Variants in ZEB1 observed in about 807,000 individuals in gnomAD.
The protein encoded by ZEB1 is zinc finger E-box-binding homeobox 1.
Under a neutral mutation model 84.9 loss-of-function variants are expected in ZEB1, and 21 were observed. That is an observed-to-expected ratio of 0.25 (90% confidence interval 0.18 to 0.36). The LOEUF (loss-of-function observed/expected upper bound fraction) is 0.36. Ranked by LOEUF, ZEB1 falls within the 10% of genes least tolerant of loss-of-function variation. The pLI is 1.00. For missense variants in ZEB1, 1,104 were observed against 1,330.2 expected (o/e 0.83, Z 2.65); for synonymous variants, 420 against 471.1 (o/e 0.89, Z 1.41).
chr10:31,363,772 C>T lies in ZEB1; in HGVS notation c.58+44480C>T, dbSNP rs2370498. The T allele has an allele frequency of 4.3e-4, 555 of 1,286,258 alleles. 2 individuals are homozygous for T. Among genetic ancestry groups the T allele is most frequent in the South Asian group, 7.5e-4 (59 of 79,114 alleles). The allele number at this position is 1,286,258 out of a possible 1,614,324, so 79.7% of individuals were successfully genotyped here. ...TGAGGGGGGGCTCCAGACCACAGGA[C>T]GCAGGACCCTCTGTGGGGTGCCCGT... On this transcript the variant is annotated intron_variant, in intron 1 of 8. Coordinates refer to ENST00000424869, the MANE Select transcript of ZEB1 (RefSeq NM_001174096.2).
In ZEB1 at chr10:31,494,804, A is replaced by G. The variant is rs369940795; in HGVS notation, c.260-972A>G. Among the ~76,000 whole-genome samples the G allele has an allele frequency of 6.6e-5, 10 of 152,054 alleles. No homozygotes were observed. The South Asian group carries it at 8.3e-4, about 13-fold the overall frequency. ...ATAAAACATACTTTTTGCTTGTCCAAAAAGTATGCATTTATTTATAATACA... is the reference window on the plus strand; with the variant it reads ...ATAAAACATACTTTTTGCTTGTCCAGAAAGTATGCATTTATTTATAATACA... On this transcript the variant is annotated intron_variant, in intron 2 of 8. Coordinates refer to ENST00000424869, the MANE Select transcript of ZEB1 (RefSeq NM_001174096.2).
At position 31,396,704 on chromosome 10, in the gene ZEB1, T is replaced by A. The variant is rs2050791210; in HGVS notation, c.59-64333T>A. Among the ~76,000 whole-genome samples the A allele has an allele frequency of 2.6e-5, 4 of 152,310 alleles. No individual in the cohort carries two copies. In the South Asian group the frequency reaches 8.3e-4, roughly 32 times the overall value. ...TGGATTATTGTCTTGCTGTTTAGAT[T>A]ACCTATAAATGTAATTTTACTTTAC... On this transcript the variant is annotated intron_variant, in intron 1 of 8. Coordinates refer to ENST00000424869, the MANE Select transcript of ZEB1 (RefSeq NM_001174096.2).
intron 1 of ZEB1, among the ~76,000 whole-genome samples, chr10:31,323,936 TTTC>T (rs1458888327): frequency 2.6e-5 from 4 of 151,408 alleles, no homozygotes; most frequent in Non-Finnish European, 5.9e-5. Flanking sequence ...CCTGTGTTAA[TTTC>T]TTATTTTAGG....
chr10:31,337,683 GTT>G (rs756379165), intron 1 of ZEB1, among the ~76,000 whole-genome samples: 1,917 of 98,692 alleles, frequency 0.019, 20 homozygotes, highest in African/African-American at 0.078. Context: ...ATTTCTTTCT[GTT>G]TTTTTTTTTT....
intron 4 of ZEB1, among the ~76,000 whole-genome samples, chr10:31,508,268 T>A (rs2069329025): frequency 6.6e-6 from 1 of 152,144 alleles, no homozygotes; most frequent in Admixed American, 6.5e-5. Flanking sequence ...TCCTTGGAAC[T>A]CCAGGTGGCT....
At chr10:31,386,719 G>T (rs578110903) in intron 1 of ZEB1, among the ~76,000 whole-genome samples, 1 of 152,214 alleles carries the variant, frequency 6.6e-6, no homozygotes, top group Non-Finnish European at 1.5e-5. Context: ...TTAGGAAATA[G>T]CATATGCCAT....
intron 2 of ZEB1, among the ~76,000 whole-genome samples, chr10:31,489,500 T>TA (rs1349232799): frequency 6.6e-6 from 1 of 151,400 alleles, no homozygotes; most frequent in Non-Finnish European, 1.5e-5. Context: ...GATTTGGGTT[T>TA]ATCATTTTAT....
chr10:31,464,927 A>G lies in ZEB1; in HGVS notation c.259+3690A>G, dbSNP rs560049353. ...CACTAATTAGCAACATGAAAACATG[A>G]AAGAATAAAACTCACTAGTAAAGAA... On this transcript the variant is annotated intron_variant, in intron 2 of 8. Transcript: ENST00000424869. Among the ~76,000 whole-genome samples the G allele has an allele frequency of 2.6e-5, 4 of 152,346 alleles. No homozygotes were observed. In the East Asian group the frequency reaches 5.8e-4, roughly 22 times the overall value.
At chr10:31,481,730 C>T (rs1007059110) in intron 2 of ZEB1, among the ~76,000 whole-genome samples, 4 of 151,828 alleles carry the variant, frequency 2.6e-5, no homozygotes, top group African/African-American at 9.7e-5. Flanking sequence ...TGAAGGAGTT[C>T]CCAATAGCCA....
At chr10:31,393,114 C>G (rs544031437) in intron 1 of ZEB1, among the ~76,000 whole-genome samples, 3 of 152,296 alleles carry the variant, frequency 2.0e-5, no homozygotes, top group African/African-American at 7.2e-5. Context: ...CTGGGACTAT[C>G]AGGCATGAGC....
At chr10:31,492,094 C>T (rs2138884891) in intron 2 of ZEB1, among the ~76,000 whole-genome samples, 1 of 151,954 alleles carries the variant, frequency 6.6e-6, no homozygotes, top group Admixed American at 6.6e-5. Flanking sequence ...GTGAATTGGC[C>T]TTTTAAAAAT....
At chr10:31,396,134 T>G (rs2050676514) in intron 1 of ZEB1, among the ~76,000 whole-genome samples, 3 of 152,218 alleles carry the variant, frequency 2.0e-5, no homozygotes, top group Non-Finnish European at 4.4e-5. Flanking sequence ...CTTTTAAATT[T>G]TTGCCTCTAA....
chr10:31,496,186 G>A (rs761962562), intron 3 of ZEB1, among the ~76,000 whole-genome samples: 14 of 151,914 alleles, frequency 9.2e-5, no homozygotes, highest in African/African-American at 9.7e-5. Flanking sequence ...TTTGAGTTTC[G>A]TTATTAGTTA....
chr10:31,331,124 G>GT (rs1326503395), intron 1 of ZEB1, among the ~76,000 whole-genome samples: 1 of 104,888 alleles, frequency 9.5e-6, no homozygotes, highest in African/African-American at 3.9e-5. Context: ...GAGTCTTGCT[G>GT]TGTTGCCCAG....
At chr10:31,383,105 T>A (rs903630234) in intron 1 of ZEB1, among the ~76,000 whole-genome samples, 14 of 151,864 alleles carry the variant, frequency 9.2e-5, no homozygotes, top group Admixed American at 5.2e-4. Flanking sequence ...TATATATATA[T>A]AAAATGCCCA....
intron 1 of ZEB1, among the ~76,000 whole-genome samples, chr10:31,458,236 G>T (rs780260130): frequency 1.1e-4 from 16 of 151,852 alleles, no homozygotes; most frequent in African/African-American, 3.9e-4. Flanking sequence ...TTATCAAGTA[G>T]GTTGCTAATA....
intron 2 of ZEB1, among the ~76,000 whole-genome samples, chr10:31,488,240 T>C (rs2065999825): frequency 6.6e-6 from 1 of 151,242 alleles, no homozygotes; most frequent in African/African-American, 2.4e-5. Context: ...TCTAATTCAA[T>C]TTAAAAATAT....
chr10:31,374,607 C>G (rs991427399), intron 1 of ZEB1, among the ~76,000 whole-genome samples: 1 of 151,700 alleles, frequency 6.6e-6, no homozygotes, highest in Non-Finnish European at 1.5e-5. Context: ...GCATAAGTTC[C>G]TATAAGGGTA....
At chr10:31,367,335 A>T (rs2044715407) in intron 1 of ZEB1, among the ~76,000 whole-genome samples, 1 of 152,162 alleles carries the variant, frequency 6.6e-6, no homozygotes, top group African/African-American at 2.4e-5. Context: ...CTGAATTGAA[A>T]TCTCTGGGAG....
Sources: allele counts gnomAD v4.1 joint callset (sites outside exome capture counted in the v4.1 genomes callset), GRCh38; gene constraint gnomAD v4.1.1; transcripts MANE v1.5; gene names NCBI Gene and HGNC (gene_info 2026-07-23, HGNC 2026-07-21).